SHE: variants seen among roughly 807,000 people sequenced by gnomAD.
SHE encodes Src homology 2 domain containing E.
In SHE, 11 loss-of-function variants were observed where a neutral mutation model predicts 49.8. The ratio of observed to expected loss-of-function variants is 0.22; its 90% CI spans 0.14 to 0.37. SHE has a LOEUF of 0.37. SHE is among the 10% of genes least tolerant of loss of function. The probability of loss-of-function intolerance (pLI) is 1.00; values close to 1 mark genes in which losing one functional copy is unlikely to be tolerated. For synonymous variants in SHE, 310 were observed against 278.1 expected (o/e 1.11, Z -1.14); for missense variants, 624 against 655.5 (o/e 0.95, Z 0.52).
intron 3 of SHE, among the ~76,000 whole-genome samples, chr1:154,488,729 C>A (rs190340498): frequency 1.3e-5 from 2 of 151,974 alleles, no homozygotes; most frequent in African/African-American, 4.8e-5. Context: ...TGGGATTACA[C>A]GCGCCCAGCA....
In SHE at chr1:154,485,985, C is replaced by T; in HGVS notation, c.1259G>A (p.Arg420Gln). The change falls in exon 5 of 6, where the codon CGA becomes CAA. Residue 420 changes from arginine to glutamine, a missense_variant. Arg to Gln is a conservative substitution (Grantham distance 43). This residue lies in a region of SHE where 125 missense variants were observed against 181.7 expected (regional missense o/e 0.69). Transcript: ENST00000304760. ...QPCKEAGYLV[R>Q]NSESGNSRYS... ...CCTGCTGTTCCCTGACTCACTATTT[C>T]GAACCAGGTAACCAGCTTCTTTGCA... 1.9e-6 allele frequency: 3 copies of T among 1,614,110 alleles called. No homozygotes were observed. Among genetic ancestry groups the T allele is most frequent in the Non-Finnish European group, 2.5e-6 (3 of 1,179,980 alleles).
At chr1:154,497,368 C>A (rs1692563113) in intron 2 of SHE, among the ~76,000 whole-genome samples, 1 of 152,208 alleles carries the variant, frequency 6.6e-6, no homozygotes. Context: ...GCATGAAACC[C>A]ACAAGAGTCA....
intron 2 of SHE, among the ~76,000 whole-genome samples, chr1:154,492,596 T>G (rs1288182255): frequency 6.6e-6 from 1 of 152,202 alleles, no homozygotes; most frequent in Non-Finnish European, 1.5e-5. Context: ...CAGTTTTTCT[T>G]CTTCCTTGCT....
downstream of SHE, among the ~76,000 whole-genome samples, chr1:154,478,577 T>C (rs1004852362): frequency 6.6e-6 from 1 of 152,122 alleles, no homozygotes; most frequent in Non-Finnish European, 1.5e-5. Context: ...CCTGGCTGAG[T>C]TGTGGCAGAT....
chr1:154,501,700 C>T lies in SHE; in HGVS notation c.327G>A (p.Gln109=), dbSNP rs1464998242. ...TGCCCGCGGCGGCCTGAATCAGACC[C>T]TGCAGGCTGTCGCGGGACAGCCGGC... The part of the protein sequence containing the change: ...KDSRLSRDSL[Q]GLIQAAAGKG... The change falls in exon 1 of 6, where the codon CAG becomes CAA. Residue 109 remains glutamine (Q), a synonymous_variant. Coordinates refer to ENST00000304760, the MANE Select transcript of SHE (RefSeq NM_001010846.3). The T allele has an allele frequency of 6.2e-7, 1 of 1,611,058 alleles. No individual in the cohort carries two copies. Among genetic ancestry groups the T allele is most frequent in the East Asian group, 2.2e-5 (1 of 44,772 alleles).
intron 4 of SHE, 113 bp from the exon 5 acceptor site, chr1:154,486,175 C>T: frequency 1.4e-6 from 2 of 1,398,204 alleles, no homozygotes; most frequent in Non-Finnish European, 2.0e-6. Context: ...AGAGACGCAA[C>T]AGCCTGAACT....
At chr1:154,499,292 C>T (rs1692635366) in intron 1 of SHE, 54 bp from the exon 2 acceptor site, 4 of 1,564,558 alleles carry the variant, frequency 2.6e-6, no homozygotes, top group Non-Finnish European at 3.5e-6. Context: ...ACCAAAATGG[C>T]AATGGTATCA....
chr1:154,485,045 G>T (rs943729614), intron 5 of SHE: 1 of 151,608 alleles, frequency 6.6e-6, no homozygotes, highest in African/African-American at 2.4e-5. Context: ...GTAAGTAAGG[G>T]TTCTTCTTCT....
At chr1:154,488,001 G>C (rs1299284570) in intron 3 of SHE, among the ~76,000 whole-genome samples, 5 of 147,504 alleles carry the variant, frequency 3.4e-5, no homozygotes, top group African/African-American at 1.2e-4. Flanking sequence ...GTTCAGTGGG[G>C]AGATCTTGGC....
downstream of SHE, among the ~76,000 whole-genome samples, chr1:154,478,067 G>A (rs1036533856): frequency 6.6e-6 from 1 of 151,966 alleles, no homozygotes; most frequent in Non-Finnish European, 1.5e-5. Context: ...GTGACTGACG[G>A]GTTTCACTCA....
At chr1:154,486,399 TA>T (rs1692183809) in intron 4 of SHE, 127 bp downstream of exon 4, 5 of 1,341,094 alleles carry the variant, frequency 3.7e-6, no homozygotes, top group South Asian at 2.9e-5. Flanking sequence ...GGGTTTTCAT[TA>T]AAAACCCCAT....
chr1:154,482,645 G>A lies in SHE; in HGVS notation c.*1504C>T. The A allele has an allele frequency of 1.0e-6, 1 of 985,352 alleles. No individual in the cohort carries two copies. The highest frequency in any genetic ancestry group is 1.2e-6 in the Non-Finnish European group (1 of 829,928). The allele number at this position is 985,352 out of a possible 1,614,324, so 61.0% of individuals were successfully genotyped here. On this transcript the variant is annotated 3_prime_UTR_variant, in exon 6 of 6. Coordinates refer to ENST00000304760, the MANE Select transcript of SHE (RefSeq NM_001010846.3). The stretch of plus-strand genomic sequence containing the variant: ...GACACATCTGCTGAATTTTAATTCT[G>A]GAGCCATTCACCATAGTACTCTTCT...
downstream of SHE, among the ~76,000 whole-genome samples, chr1:154,476,776 G>A (rs575969669): frequency 3.3e-5 from 5 of 151,862 alleles, no homozygotes; most frequent in Admixed American, 3.3e-4. Flanking sequence ...TTGATAGCTT[G>A]ATCAACAAAT....
At chr1:154,475,248 G>A (rs1318366105), downstream of SHE, among the ~76,000 whole-genome samples, 3 of 151,994 alleles carry the variant, frequency 2.0e-5, no homozygotes, top group East Asian at 1.9e-4. Flanking sequence ...GTGCAACGGC[G>A]TGATCTTGGC....
rs1206151384 is a variant in SHE at position 154,481,649 on chromosome 1, G to T, written c.*2500C>A. On this transcript the variant is annotated 3_prime_UTR_variant, in exon 6 of 6. Transcript: ENST00000304760. ...TGCTGTATTCCCTTTGTAGAATAAG[G>T]TTAAGTAAAAACGTTTCATTTCTAG... The T allele has an allele frequency of 1.0e-6, 1 of 982,002 alleles. No homozygotes were observed. Among genetic ancestry groups the T allele is most frequent in the African/African-American group, 1.8e-5 (1 of 57,088 alleles). The allele number at this position is 982,002 out of a possible 1,614,324, so 60.8% of individuals were successfully genotyped here.
intron 1 of SHE, among the ~76,000 whole-genome samples, chr1:154,473,478 G>T (rs116390919): frequency 1.3e-5 from 2 of 151,672 alleles, no homozygotes; most frequent in South Asian, 2.1e-4. Context: ...CTGTGTGTTG[G>T]GGGGACAGGG....
chr1:154,470,313 A>G, exon 2 of SHE: 1 of 1,289,142 alleles, frequency 7.8e-7, no homozygotes, highest in Non-Finnish European at 1.0e-6. Flanking sequence ...TTAGGATGAC[A>G]TGGTTACGGT....
intron 1 of SHE, among the ~76,000 whole-genome samples, chr1:154,471,631 C>A (rs1557791235): frequency 6.6e-6 from 1 of 151,844 alleles, no homozygotes; most frequent in Admixed American, 6.6e-5. Flanking sequence ...TACTTCATAC[C>A]CAGTTTTTGA....
intron 2 of SHE, among the ~76,000 whole-genome samples, chr1:154,495,604 A>G (rs987405270): frequency 6.6e-5 from 10 of 152,084 alleles, no homozygotes; most frequent in Admixed American, 6.5e-5. Flanking sequence ...GGCACTTATC[A>G]TGCTTTTCAA....
Sources: allele counts gnomAD v4.1 joint callset (sites outside exome capture counted in the v4.1 genomes callset), GRCh38; gene constraint gnomAD v4.1.1; regional missense constraint gnomAD v4.1.1; transcripts MANE v1.5; gene names NCBI Gene and HGNC (gene_info 2026-07-23, HGNC 2026-07-21).